KLHDC8B: variants seen among roughly 807,000 people sequenced by gnomAD.
KLHDC8B encodes kelch domain-containing protein 8B.
In KLHDC8B, 19 loss-of-function variants were observed where a neutral mutation model predicts 26.3. The observed-to-expected ratio is 0.72, with a 90% CI of 0.50 to 1.06. The LOEUF is 1.06. KLHDC8B is among the 50% of genes least tolerant of loss of function. KLHDC8B has a pLI of 0.00. For synonymous variants in KLHDC8B, 150 were observed against 188.4 expected (o/e 0.80, Z 1.67); for missense variants, 411 against 488.1 (o/e 0.84, Z 1.49).
intron 5 of KLHDC8B, 125 bp from the exon 6 acceptor site, chr3:49,175,480 G>A: frequency 1.4e-6 from 1 of 709,556 alleles, no homozygotes; most frequent in Non-Finnish European, 2.4e-6. Context: ...AGGCAATGAG[G>A]AGCAAGGCCC....
Position 49,174,967 on chromosome 3 carries a change from G to A in KLHDC8B, c.766+1G>A. 6.2e-7 allele frequency: 1 copy of A among 1,613,994 alleles called. No individual in the cohort carries two copies. Among genetic ancestry groups the A allele is most frequent in the Non-Finnish European group, 8.5e-7 (1 of 1,180,030 alleles). ...GTGGAGATGTTTGACCTGGAGCATGGTGAGCAGTGGCTGTTCTGGGCTGTC... is the reference window on the plus strand; with the variant it reads ...GTGGAGATGTTTGACCTGGAGCATGATGAGCAGTGGCTGTTCTGGGCTGTC... On this transcript the variant is annotated splice_donor_variant, in intron 4 of 5. Coordinates refer to ENST00000332780, the MANE Select transcript of KLHDC8B (RefSeq NM_173546.3). LOFTEE classifies it high-confidence loss of function.
chr3:49,174,661 C>A, intron 3 of KLHDC8B, 81 bp from the exon 4 acceptor site: 4 of 1,507,052 alleles, frequency 2.7e-6, no homozygotes, highest in Non-Finnish European at 3.5e-6. Flanking sequence ...GAGGCTGAGG[C>A]AGGCAGATTA....
chr3:49,174,955 A>T lies in KLHDC8B; in HGVS notation c.755A>T (p.Asp252Val), dbSNP rs1227919491. Residue 252 changes from aspartate to valine, a missense_variant, in exon 4 of 6, where the codon GAC becomes GTC. Coordinates refer to ENST00000332780, the MANE Select transcript of KLHDC8B (RefSeq NM_173546.3). ...TTTGTCAACACTGTGGAGATGTTTG[A>T]CCTGGAGCATGGTGAGCAGTGGCTG... ...PHFVNTVEMF[D>V]LEHGSWTKLP... The T allele has an allele frequency of 1.2e-6, 2 of 1,613,996 alleles. No homozygotes were observed. The highest frequency in any genetic ancestry group is 3.3e-5 in the Admixed American group (2 of 60,020).
chr3:49,174,258 G>A lies in KLHDC8B; in HGVS notation c.396G>A (p.Leu132=). 3 of 1,612,928 alleles carry A rather than the reference G, an allele frequency of 1.9e-6. No homozygotes were observed. The highest frequency in any genetic ancestry group is 2.5e-6 in the Non-Finnish European group (3 of 1,179,160). ...ATGCAGATGGTATGGTGTATGCTCTGGGGGGAATGGGCCCTGACACGGCCC... is the reference window on the plus strand; with the variant it reads ...ATGCAGATGGTATGGTGTATGCTCTAGGGGGAATGGGCCCTGACACGGCCC... ...TVERDGMVYA[L]GGMGPDTAPQ... The change falls in exon 3 of 6, where the codon CTG becomes CTA. Residue 132 remains leucine, a synonymous_variant. Transcript: ENST00000332780.
chr3:49,173,539 C>T (rs2045789480), intron 2 of KLHDC8B, among the ~76,000 whole-genome samples: 1 of 152,180 alleles, frequency 6.6e-6, no homozygotes, highest in South Asian at 2.1e-4. Flanking sequence ...CAACCCTTCC[C>T]ACACGCCAGG....
intron 5 of KLHDC8B, 65 bp downstream of exon 5, chr3:49,175,228 G>A: frequency 7.5e-7 from 1 of 1,333,594 alleles, no homozygotes; most frequent in Non-Finnish European, 1.1e-6. Context: ...CCCCCAGCAT[G>A]TGTGTCACCT....
rs956220455 is a variant in KLHDC8B at position 49,176,222 on chromosome 3, G to A, written c.*421G>A. The A allele has an allele frequency of 1.1e-5, 2 of 177,480 alleles. No individual in the cohort carries two copies. The highest frequency in any genetic ancestry group is 1.2e-4 in the Admixed American group (2 of 16,400). The allele number at this position is 177,480 out of a possible 1,614,324, so 11.0% of individuals were successfully genotyped here. A position where few individuals can be genotyped will look rare whatever the true frequency, so the allele number is the denominator to read the frequency against. ...GTCCCTGCAGACCCAGGAGAGTTGA[G>A]AGGGTGGGGGACACAGAGAGAATAG... On this transcript the variant is annotated 3_prime_UTR_variant, in exon 6 of 6. Coordinates refer to ENST00000332780, the MANE Select transcript of KLHDC8B (RefSeq NM_173546.3).
In KLHDC8B at chr3:49,174,372, C is replaced by A. The variant is rs1280613948; in HGVS notation, c.510C>A (p.Thr170=). Residue 170 remains threonine, a synonymous_variant, in exon 3 of 6, where the codon ACC becomes ACA. Coordinates refer to ENST00000332780, the MANE Select transcript of KLHDC8B (RefSeq NM_173546.3). The part of the protein sequence containing the change: ...SMPTPCYGAS[T]FLHGNKIYVL... The stretch of plus-strand genomic sequence containing the variant: ...CCACACCCTGCTATGGGGCCTCCAC[C>A]TTCCTGCACGGGAACAAGATCTATG... 1.2e-6 allele frequency: 2 copies of A among 1,613,896 alleles called. No homozygotes were observed. The highest frequency in any genetic ancestry group is 1.7e-6 in the Non-Finnish European group (2 of 1,179,882).
chr3:49,172,888 G>T lies in KLHDC8B; in HGVS notation c.119G>T (p.Gly40Val). Residue 40 changes from glycine to valine, a missense_variant, in exon 2 of 6, where the codon GGC becomes GTC. By Grantham distance (109) the Gly-to-Val change is moderately radical. Transcript: ENST00000332780. The stretch of plus-strand genomic sequence containing the variant: ...CACCTGCTGGTGTTGGGGGGTTGTG[G>T]CCGGGCTGGACTGCCCCTGGACACT... ...DGHLLVLGGC[G>V]RAGLPLDTAE... 1 of 1,614,122 alleles carries T rather than the reference G, an allele frequency of 6.2e-7. No homozygotes were observed. Among genetic ancestry groups the T allele is most frequent in the Non-Finnish European group, 8.5e-7 (1 of 1,180,018 alleles).
chr3:49,172,494 G>C (rs1559424075), intron 1 of KLHDC8B, 142 bp from the exon 2 acceptor site: 1 of 496,626 alleles, frequency 2.0e-6, no homozygotes, highest in East Asian at 3.3e-5. Context: ...CCACAGTGGT[G>C]TGCTAGCCAG....
chr3:49,175,245 C>A, intron 5 of KLHDC8B, 82 bp downstream of exon 5: 2 of 1,103,436 alleles, frequency 1.8e-6, no homozygotes, highest in Non-Finnish European at 2.7e-6. Context: ...ACCTTCTGCC[C>A]ATCTCCAGGC....
Position 49,176,016 on chromosome 3 carries a change from G to C in KLHDC8B, c.*215G>C, listed in dbSNP as rs139491293. On this transcript the variant is annotated 3_prime_UTR_variant, in exon 6 of 6. Transcript: ENST00000332780. The stretch of plus-strand genomic sequence containing the variant: ...CTTACACCTACCTTTATCACCATTC[G>C]TTCATGAATCATGCCTAGCTCCATC... 1.8e-6 allele frequency: 1 copy of C among 571,244 alleles called. No homozygotes were observed. Among genetic ancestry groups the C allele is most frequent in the Non-Finnish European group, 3.1e-6 (1 of 321,394 alleles). 35.4% of individuals were successfully genotyped at this position (571,244 alleles called of 1,614,324 possible).
intron 5 of KLHDC8B, 46 bp downstream of exon 5, chr3:49,175,209 A>C: frequency 6.7e-7 from 1 of 1,493,090 alleles, no homozygotes; most frequent in Non-Finnish European, 9.3e-7. Flanking sequence ...CCAAGACAGG[A>C]AAGACTAGCC....
In KLHDC8B at chr3:49,172,801, G is replaced by A; in HGVS notation, c.32G>A (p.Trp11Ter). 1.2e-6 allele frequency: 2 copies of A among 1,613,700 alleles called. No individual in the cohort carries two copies. The highest frequency in any genetic ancestry group is 1.7e-6 in the Non-Finnish European group (2 of 1,179,806). The stretch of plus-strand genomic sequence containing the variant: ...GCAGGAGGTGGCCGGGCCTTTGCTT[G>A]GCAAGTGTTCCCCCCCATGCCCACT... MSAGGGRAFA[W>*]QVFPPMPTCR... The change falls in exon 2 of 6, where the codon TGG becomes TAG. Residue 11 changes from tryptophan to a stop codon, truncating the protein, a stop_gained. Transcript: ENST00000332780. LOFTEE classifies it high-confidence loss of function.
In KLHDC8B at chr3:49,175,615, A is replaced by G; in HGVS notation, c.879A>G (p.Pro293=). 1 of 1,553,266 alleles carries G rather than the reference A, an allele frequency of 6.4e-7. No homozygotes were observed. The highest frequency in any genetic ancestry group is 8.7e-7 in the Non-Finnish European group (1 of 1,149,044). Residue 293 remains proline, a synonymous_variant, in exon 6 of 6, where the codon CCA becomes CCG. Coordinates refer to ENST00000332780, the MANE Select transcript of KLHDC8B (RefSeq NM_173546.3). ...IVAIGGLGNQ[P]CPLGSVESFS... is the part of the protein sequence containing the mutation. ...CTCTCCTTCTTGCAGGAAACCAGCC[A>G]TGTCCTTTGGGCTCTGTGGAGAGCT...
Position 49,175,647 on chromosome 3 carries a change from T to G in KLHDC8B, c.911T>G (p.Leu304Arg), listed in dbSNP as rs1489897485. ...CPLGSVESFS[L>R]ARRRWEALPA... ...TTGGGCTCTGTGGAGAGCTTTAGCC[T>G]TGCACGGCGGCGCTGGGAGGCATTG... Residue 304 changes from leucine (L) to arginine (R), a missense_variant, in exon 6 of 6, where the codon CTT (leucine) becomes CGT (arginine). By Grantham distance (102) the Leu-to-Arg change is moderately radical. Coordinates refer to ENST00000332780, the MANE Select transcript of KLHDC8B (RefSeq NM_173546.3). The G allele has an allele frequency of 2.6e-5, 41 of 1,602,146 alleles. No homozygotes were observed. The highest frequency in any genetic ancestry group is 3.4e-5 in the Non-Finnish European group (40 of 1,173,642).
rs370420816 is a variant in KLHDC8B, at chr3:49,174,224, C to G, written c.377-15C>G. The G allele has an allele frequency of 1.3e-5, 20 of 1,596,024 alleles. No individual in the cohort carries two copies. In the African/African-American group the frequency reaches 2.5e-4, roughly 20 times the overall value. On this transcript the variant is annotated splice_polypyrimidine_tract_variant and intron_variant, in intron 2 of 5. Transcript: ENST00000332780. ...GCAGGCTGAGGTACAATCTGAACTA[C>G]TCTTTTCTATGCAGATGGTATGGTG...
rs1348394871 is a variant in KLHDC8B, at chr3:49,175,946, C to G, written c.*145C>G. On this transcript the variant is annotated 3_prime_UTR_variant, in exon 6 of 6. Transcript: ENST00000332780. The stretch of plus-strand genomic sequence containing the variant: ...AGCACTTGAAACACTGCCTTGGGGC[C>G]TTGGGTTAGGGGAGCCTTTGTCTTT... The G allele has an allele frequency of 2.7e-6, 2 of 741,898 alleles. No homozygotes were observed. 46.0% of individuals were successfully genotyped at this position (741,898 alleles called of 1,614,324 possible). A position where few individuals can be genotyped will look rare whatever the true frequency, so the allele number is the denominator to read the frequency against.
chr3:49,173,718 A>G (rs1370222293), intron 2 of KLHDC8B, among the ~76,000 whole-genome samples: 1 of 152,092 alleles, frequency 6.6e-6, no homozygotes, highest in Middle Eastern at 3.2e-3. Flanking sequence ...AGGTGCTGGC[A>G]GGGATCCTGG....
Sources: gnomAD v4.1 joint callset for allele counts (sites outside exome capture counted in the v4.1 genomes callset) on GRCh38, gnomAD v4.1.1 for gene constraint, MANE v1.5 for transcripts, NCBI Gene and HGNC (gene_info 2026-07-23, HGNC 2026-07-21) for gene names.